The following ADAMTS19 variants were observed in gnomAD, a reference collection of about 807,000 sequenced individuals.
The protein encoded by ADAMTS19 is ADAM metallopeptidase with thrombospondin type 1 motif 19, also known as A disintegrin and metalloproteinase with thrombospondin motifs 19.
A neutral mutation model predicts 153.3 loss-of-function variants in ADAMTS19; 93 were observed. That is an observed-to-expected ratio of 0.61 (90% CI 0.51 to 0.72). ADAMTS19 has a LOEUF of 0.72. Among genes scored for constraint, ADAMTS19 ranks in the 30% least tolerant of loss-of-function variants. The probability of loss-of-function intolerance (pLI) is 0.00; values close to 1 mark genes in which losing one functional copy is unlikely to be tolerated. For synonymous variants in ADAMTS19, 600 were observed against 556.6 expected (o/e 1.08, Z -1.10); for missense variants, 1,482 against 1,552.1 (o/e 0.95, Z 0.76).
chr5:129,506,016 T>C (rs530503812), intron 2 of ADAMTS19, among the ~76,000 whole-genome samples: 1 of 152,302 alleles, frequency 6.6e-6, no homozygotes, highest in Non-Finnish European at 1.5e-5. Flanking sequence ...GGCTGCCTAA[T>C]TGTGGATTGC....
chr5:129,735,132 T>C, intron 22 of ADAMTS19, 23 bp downstream of exon 22: 1 of 1,524,122 alleles, frequency 6.6e-7, no homozygotes, highest in Non-Finnish European at 8.8e-7. Context: ...AAAAAAAAGA[T>C]GCTTTTGAAA....
intron 21 of ADAMTS19, among the ~76,000 whole-genome samples, chr5:129,729,711 A>C (rs564072367): frequency 1.3e-5 from 2 of 152,084 alleles, no homozygotes; most frequent in Non-Finnish European, 1.5e-5. Flanking sequence ...CCAAAATTTT[A>C]TAAAAGGTGC....
At chr5:129,495,177 A>G (rs1426146150) in intron 2 of ADAMTS19, among the ~76,000 whole-genome samples, 4 of 152,136 alleles carry the variant, frequency 2.6e-5, no homozygotes, top group African/African-American at 9.6e-5. Context: ...CTAATAAAGG[A>G]TGATTAAAGA....
intron 2 of ADAMTS19, among the ~76,000 whole-genome samples, chr5:129,491,168 A>AT (rs555091235): frequency 1.3e-5 from 2 of 151,616 alleles, no homozygotes; most frequent in African/African-American, 2.4e-5. Context: ...CGCCCACCTA[A>AT]TTTTTTTGTA....
intron 18 of ADAMTS19, among the ~76,000 whole-genome samples, chr5:129,690,979 C>T (rs1442719700): frequency 6.6e-6 from 1 of 152,004 alleles, no homozygotes; most frequent in Non-Finnish European, 1.5e-5. Flanking sequence ...GAACCCACAA[C>T]CAAGAATATG....
At chr5:129,467,877 C>G (rs933229408) in intron 2 of ADAMTS19, among the ~76,000 whole-genome samples, 1 of 152,150 alleles carries the variant, frequency 6.6e-6, no homozygotes, top group African/African-American at 2.4e-5. Context: ...CTTATAGTGT[C>G]TGATCTGGAG....
chr5:129,683,744 C>T (rs1034745895), intron 17 of ADAMTS19, among the ~76,000 whole-genome samples: 2 of 151,188 alleles, frequency 1.3e-5, no homozygotes, highest in Admixed American at 6.6e-5. Context: ...ATACTCCTGC[C>T]GCCACTTTTG....
chr5:129,682,023 A>G (rs1241888647), intron 17 of ADAMTS19, among the ~76,000 whole-genome samples: 1 of 152,138 alleles, frequency 6.6e-6, no homozygotes, highest in Non-Finnish European at 1.5e-5. Context: ...TTTATGGTAT[A>G]AGACCAAGGC....
At chr5:129,715,058 T>C (rs979977912) in intron 21 of ADAMTS19, among the ~76,000 whole-genome samples, 2 of 152,202 alleles carry the variant, frequency 1.3e-5, no homozygotes, top group South Asian at 4.1e-4. Flanking sequence ...AGGAGAGTTA[T>C]GTAGTGTCAA....
chr5:129,539,872 C>CTT (rs576112760), intron 6 of ADAMTS19, among the ~76,000 whole-genome samples: 4 of 152,060 alleles, frequency 2.6e-5, no homozygotes, highest in Non-Finnish European at 5.9e-5. Context: ...GAGGATCACC[C>CTT]TTTCTCCATA....
At position 129,530,405 on chromosome 5, in the gene ADAMTS19, C is replaced by T. The variant is rs539704976; in HGVS notation, c.1328+1728C>T. Reference sequence around the variant, plus strand: ...GCAACAAATATGGACCTAGGCACATCATAGGAAAATTGCTGAAAACCAAAG... The same window carrying T: ...GCAACAAATATGGACCTAGGCACATTATAGGAAAATTGCTGAAAACCAAAG... On this transcript the variant is annotated intron_variant, in intron 6 of 22. Coordinates refer to ENST00000274487, the MANE Select transcript of ADAMTS19 (RefSeq NM_133638.6). Among the ~76,000 whole-genome samples the T allele has an allele frequency of 4.6e-5, 7 of 152,200 alleles. No individual in the cohort carries two copies. In the South Asian group the frequency reaches 1.5e-3, roughly 32 times the overall value.
intron 2 of ADAMTS19, among the ~76,000 whole-genome samples, chr5:129,503,304 A>T (rs1581014405): frequency 6.6e-6 from 1 of 152,152 alleles, no homozygotes; most frequent in East Asian, 1.9e-4. Context: ...AATAGGATAG[A>T]TATGGTGTCA....
At chr5:129,596,301 A>G (rs1405802503) in intron 7 of ADAMTS19, among the ~76,000 whole-genome samples, 1 of 152,098 alleles carries the variant, frequency 6.6e-6, no homozygotes, top group Non-Finnish European at 1.5e-5. Context: ...ATATTCTTAT[A>G]TTATTCCTTT....
At chr5:129,540,128 G>C (rs937752872) in intron 6 of ADAMTS19, among the ~76,000 whole-genome samples, 2 of 152,138 alleles carry the variant, frequency 1.3e-5, no homozygotes, top group African/African-American at 4.8e-5. Context: ...TCCATATTTG[G>C]CAGAGTAAAC....
At chr5:129,711,303 C>T (rs1333663130) in intron 21 of ADAMTS19, among the ~76,000 whole-genome samples, 1 of 152,124 alleles carries the variant, frequency 6.6e-6, no homozygotes, top group Non-Finnish European at 1.5e-5. Context: ...AATATCTTGT[C>T]AAGTAGACAC....
At chr5:129,662,941 C>T (rs1350731093) in intron 15 of ADAMTS19, among the ~76,000 whole-genome samples, 1 of 137,970 alleles carries the variant, frequency 7.2e-6, no homozygotes, top group Non-Finnish European at 1.5e-5. Context: ...GTCACCCAGG[C>T]TGGAGTACAG....
chr5:129,464,054 G>A (rs1189245538), intron 2 of ADAMTS19, among the ~76,000 whole-genome samples: 1 of 152,144 alleles, frequency 6.6e-6, no homozygotes, highest in Non-Finnish European at 1.5e-5. Flanking sequence ...ACATGGAGAG[G>A]ATTTCACCAG....
chr5:129,490,752 AG>A (rs1380074926), intron 2 of ADAMTS19, among the ~76,000 whole-genome samples: 10 of 152,168 alleles, frequency 6.6e-5, no homozygotes, highest in Non-Finnish European at 1.2e-4. Flanking sequence ...GAATTTGCAG[AG>A]TAAACACTGA....
intron 3 of ADAMTS19, among the ~76,000 whole-genome samples, chr5:129,516,271 C>T (rs1352965054): frequency 1.9e-4 from 24 of 129,546 alleles, no homozygotes; most frequent in East Asian, 5.7e-4. Flanking sequence ...GTCTTTTTTT[C>T]TTTTCTTTTT....
Sources: gnomAD v4.1 joint callset for allele counts (sites outside exome capture counted in the v4.1 genomes callset) on GRCh38, gnomAD v4.1.1 for gene constraint, MANE v1.5 for transcripts, NCBI Gene and HGNC (gene_info 2026-07-23, HGNC 2026-07-21) for gene names.